Variants in DNM3 observed in about 807,000 individuals in gnomAD.
DNM3 encodes dynamin 3.
In DNM3, 47 loss-of-function variants were observed where a neutral mutation model predicts 101.6. That is an observed-to-expected ratio of 0.46 (90% confidence interval 0.37 to 0.59). DNM3 has a LOEUF of 0.59. Ranked by LOEUF, DNM3 falls within the 20% of genes least tolerant of loss-of-function variation. The pLI is 0.00. For missense variants in DNM3, 849 were observed against 1,085.7 expected (o/e 0.78, Z 3.06); for synonymous variants, 385 against 387.9 (o/e 0.99, Z 0.09).
chr1:172,232,794 T>C (rs2061388696), intron 14 of DNM3, among the ~76,000 whole-genome samples: 2 of 152,280 alleles, frequency 1.3e-5, no homozygotes, highest in South Asian at 4.2e-4. Flanking sequence ...GACTACTGGG[T>C]ACATAATGAA....
At chr1:172,207,180 C>T (rs1393928068) in intron 14 of DNM3, among the ~76,000 whole-genome samples, 1 of 152,088 alleles carries the variant, frequency 6.6e-6, no homozygotes, top group African/African-American at 2.4e-5. Context: ...ATTTCACCAA[C>T]ATGTCCTTAG....
chr1:172,381,692 G>A (rs1490217071), intron 18 of DNM3, among the ~76,000 whole-genome samples: 3 of 151,994 alleles, frequency 2.0e-5, no homozygotes, highest in African/African-American at 7.2e-5. Flanking sequence ...TAGATGTATT[G>A]ATTTTTTAAC....
intron 14 of DNM3, among the ~76,000 whole-genome samples, chr1:172,205,113 T>TA (rs1317110667): frequency 6.6e-6 from 1 of 152,192 alleles, no homozygotes; most frequent in African/African-American, 2.4e-5. Flanking sequence ...TTTCATGATG[T>TA]AAAATGTACT....
At position 171,989,093 on chromosome 1, in the gene DNM3, C is replaced by T; in HGVS notation, c.534C>T (p.Asn178=). ...NCLILAVTPA[N]TDLANSDALK... The stretch of plus-strand genomic sequence containing the variant: ...TGATTTTAGCTGTTACTCCAGCCAA[C>T]ACTGATCTTGCAAACTCAGATGCGC... Residue 178 remains asparagine (N), a synonymous_variant, in exon 4 of 21, where the codon AAC becomes AAT. Transcript: ENST00000627582. 1 of 1,613,200 alleles carries T rather than the reference C, an allele frequency of 6.2e-7. No homozygotes were observed. The highest frequency in any genetic ancestry group is 8.5e-7 in the Non-Finnish European group (1 of 1,179,484).
At chr1:172,361,517 A>T (rs2067739036) in intron 17 of DNM3, among the ~76,000 whole-genome samples, 1 of 151,864 alleles carries the variant, frequency 6.6e-6, no homozygotes, top group African/African-American at 2.4e-5. Flanking sequence ...ATATCTCTTT[A>T]CTGCAGGGTT....
At chr1:172,264,656 A>G (rs1428251924) in intron 15 of DNM3, among the ~76,000 whole-genome samples, 1 of 152,232 alleles carries the variant, frequency 6.6e-6, no homozygotes, top group East Asian at 1.9e-4. Flanking sequence ...TATGAGATGC[A>G]TTGACTTGGA....
At chr1:171,943,121 A>G (rs2041928247) in intron 2 of DNM3, among the ~76,000 whole-genome samples, 1 of 152,004 alleles carries the variant, frequency 6.6e-6, no homozygotes, top group African/African-American at 2.4e-5. Flanking sequence ...AAAAAAAAAT[A>G]AAAATAAAAA....
At chr1:171,923,648 G>A (rs2040347364) in intron 2 of DNM3, among the ~76,000 whole-genome samples, 1 of 151,722 alleles carries the variant, frequency 6.6e-6, no homozygotes, top group Admixed American at 6.6e-5. Context: ...CTTCCACTTA[G>A]GTCTTTGATC....
intron 15 of DNM3, among the ~76,000 whole-genome samples, chr1:172,304,450 C>T (rs1043691550): frequency 3.3e-5 from 5 of 152,046 alleles, no homozygotes; most frequent in Non-Finnish European, 7.4e-5. Flanking sequence ...TTTTAACACC[C>T]ACTGTCAATA....
In DNM3 at chr1:172,342,375, A is replaced by G. The variant is rs191545410; in HGVS notation, c.1893+19035A>G. Among the ~76,000 whole-genome samples the G allele has an allele frequency of 2.7e-3, 410 of 152,338 alleles. 1 individual carries two copies. The highest frequency in any genetic ancestry group is 9.2e-3 in the African/African-American group (383 of 41,582). ...ATTAACCTAAATGCTCATCAGTGGT[A>G]GACTAGATAAAGAAAATGTAGTATA... On this transcript the variant is annotated intron_variant, in intron 17 of 20. Transcript: ENST00000627582.
chr1:171,987,604 A>G, intron 2 of DNM3, 52 bp from the exon 3 acceptor site: 1 of 1,492,584 alleles, frequency 6.7e-7, no homozygotes, highest in Non-Finnish European at 8.9e-7. Flanking sequence ...TTTTATAATT[A>G]TGGCAAAAAT....
intron 13 of DNM3, among the ~76,000 whole-genome samples, chr1:172,101,040 C>A (rs1253910702): frequency 6.6e-6 from 1 of 152,212 alleles, no homozygotes; most frequent in Non-Finnish European, 1.5e-5. Context: ...TAGGCCACAT[C>A]ATATGGGACA....
At chr1:172,094,695 A>G (rs1187018949) in intron 13 of DNM3, among the ~76,000 whole-genome samples, 1 of 152,208 alleles carries the variant, frequency 6.6e-6, no homozygotes, top group Non-Finnish European at 1.5e-5. Flanking sequence ...CCCAAAAGTT[A>G]GGTGCTGTTT....
chr1:172,256,943 A>G (rs1424852620), intron 15 of DNM3, among the ~76,000 whole-genome samples: 1 of 149,076 alleles, frequency 6.7e-6, no homozygotes, highest in Non-Finnish European at 1.5e-5. Flanking sequence ...TGTGTTTTAC[A>G]TTTTAGAATG....
At chr1:172,321,267 C>T (rs768732534) in intron 16 of DNM3, among the ~76,000 whole-genome samples, 58 of 152,268 alleles carry the variant, frequency 3.8e-4, no homozygotes, top group Non-Finnish European at 5.6e-4. Flanking sequence ...TATTAAAGTG[C>T]TGATGACCCC....
chr1:172,016,964 A>G (rs1431693899), intron 4 of DNM3, among the ~76,000 whole-genome samples: 1 of 152,128 alleles, frequency 6.6e-6, no homozygotes, highest in African/African-American at 2.4e-5. Flanking sequence ...GGCTCAAGCA[A>G]TCCTCTCACC....
chr1:172,390,906 G>C (rs1234914840), intron 20 of DNM3, among the ~76,000 whole-genome samples: 2 of 152,200 alleles, frequency 1.3e-5, no homozygotes, highest in African/African-American at 4.8e-5. Flanking sequence ...TGCATGTTCT[G>C]CCTGCTTGCT....
intron 1 of DNM3, among the ~76,000 whole-genome samples, chr1:171,876,359 T>C (rs2035782768): frequency 6.6e-6 from 1 of 152,124 alleles, no homozygotes; most frequent in Non-Finnish European, 1.5e-5. Flanking sequence ...GACAGTTCAC[T>C]TCTTCCAATG....
At chr1:171,847,465 T>C (rs1041849433) in intron 1 of DNM3, among the ~76,000 whole-genome samples, 1 of 152,086 alleles carries the variant, frequency 6.6e-6, no homozygotes. Flanking sequence ...CAACAAGGCA[T>C]TGAATTTAGA....
Sources: allele counts gnomAD v4.1 joint callset (sites outside exome capture counted in the v4.1 genomes callset), GRCh38; gene constraint gnomAD v4.1.1; transcripts MANE v1.5; gene names NCBI Gene and HGNC (gene_info 2026-07-23, HGNC 2026-07-21).